Variants in ATP7B observed in about 807,000 individuals in gnomAD.
The protein encoded by ATP7B is ATPase copper transporting beta.
Under a neutral mutation model 118.9 loss-of-function variants are expected in ATP7B, and 113 were observed. The ratio of observed to expected loss-of-function variants is 0.95; its 90% CI spans 0.82 to 1.11. The LOEUF (loss-of-function observed/expected upper bound fraction) is 1.11, where lower values mean the gene tolerates loss of function less well. Ranked by LOEUF, ATP7B falls within the 50% of genes most tolerant of loss-of-function variation. The probability of loss-of-function intolerance (pLI) is 0.00; values close to 1 mark genes in which losing one functional copy is unlikely to be tolerated. For synonymous variants in ATP7B, 777 were observed against 727.4 expected, an observed-to-expected ratio of 1.07 and a Z score of -1.10; for missense variants, 1,867 against 1,871.4, an observed-to-expected ratio of 1.00 and a Z score of 0.04.
intron 4 of ATP7B, among the ~76,000 whole-genome samples, chr13:51,967,947 C>T (rs1309990970): frequency 1.3e-5 from 2 of 152,188 alleles, no homozygotes; most frequent in Non-Finnish European, 2.9e-5. Flanking sequence ...TGGAGCATTC[C>T]CCTCAGACTG....
At chr13:51,985,498 G>A (rs1952613164) in intron 1 of ATP7B, among the ~76,000 whole-genome samples, 1 of 152,112 alleles carries the variant, frequency 6.6e-6, no homozygotes, top group African/African-American at 2.4e-5. Context: ...GTCAATATTA[G>A]ACAGATCAAT....
At position 51,961,684 on chromosome 13, in the gene ATP7B, A is replaced by G. The variant is rs74087020; in HGVS notation, c.1946+153T>C. Among the ~76,000 whole-genome samples, 1,886 of 152,328 alleles carry G rather than the reference A, an allele frequency of 0.012. 47 individuals carry two copies. The highest frequency in any genetic ancestry group is 0.043 in the African/African-American group (1,791 of 41,570). ...CATCATTCCAGAACTTCTTTTGGAC[A>G]GCACTGTTTCAGAGGGTTCACATTA... On this transcript the variant is annotated intron_variant, in intron 6 of 20. Transcript: ENST00000242839.
chr13:51,986,035 C>T (rs933217372), intron 1 of ATP7B, among the ~76,000 whole-genome samples: 3 of 152,106 alleles, frequency 2.0e-5, no homozygotes, highest in African/African-American at 7.2e-5. Context: ...AATTCAAACG[C>T]TAGCAGAAGA....
intron 2 of ATP7B, among the ~76,000 whole-genome samples, chr13:51,973,049 G>C (rs941709723): frequency 9.9e-5 from 15 of 152,130 alleles, no homozygotes; most frequent in African/African-American, 3.4e-4. Flanking sequence ...ATAAAAGCCT[G>C]GTGGCTCCCT....
rs1020597274 is a variant in ATP7B, at chr13:51,958,185, G to T, written c.2355+126C>A. On this transcript the variant is annotated intron_variant, in intron 8 of 20. Coordinates refer to ENST00000242839, the MANE Select transcript of ATP7B (RefSeq NM_000053.4). The stretch of plus-strand genomic sequence containing the variant: ...ACTAGAGCACCTTAATTATATGGAG[G>T]TTTCCTATTTCTTTAAGTCTGTCTC... 1.2e-5 allele frequency: 14 copies of T among 1,131,936 alleles called. No individual in the cohort carries two copies. In the East Asian group the frequency reaches 3.3e-4, roughly 27 times the overall value. 70.1% of individuals were successfully genotyped at this position (1,131,936 alleles called of 1,614,324 possible).
chr13:51,949,736 T>A lies in ATP7B; in HGVS notation c.2791A>T (p.Met931Leu). The A allele has an allele frequency of 1.2e-6, 2 of 1,614,114 alleles. No homozygotes were observed. Among genetic ancestry groups the A allele is most frequent in the Non-Finnish European group, 1.7e-6 (2 of 1,180,016 alleles). ...SGYFVPFIII[M>L]STLTLVVWIV... ...CATACCACCAACGTCAAAGTTGACATGATGATGATAAATGGGACAAAATAT... is the reference window on the plus strand; with the variant it reads ...CATACCACCAACGTCAAAGTTGACAAGATGATGATAAATGGGACAAAATAT... Residue 931 changes from methionine (M) to leucine (L), a missense_variant, in exon 12 of 21, where the codon ATG becomes TTG. Coordinates refer to ENST00000242839, the MANE Select transcript of ATP7B (RefSeq NM_000053.4).
chr13:51,970,616 G>C lies in ATP7B; in HGVS notation c.1419C>G (p.Asp473Glu). 6.2e-7 allele frequency: 1 copy of C among 1,614,192 alleles called. No individual in the cohort carries two copies. The highest frequency in any genetic ancestry group is 8.5e-7 in the Non-Finnish European group (1 of 1,180,036). The stretch of plus-strand genomic sequence containing the variant: ...TTGATTGTGGGGACTTTGCCAAGAT[G>C]TCCGGGGCATGGTTTGCAGGGAGCC... ...TGRLPANHAPDILAKSPQSTR... is the reference protein window; with the variant it reads ...TGRLPANHAPEILAKSPQSTR... The change falls in exon 3 of 21, where the codon GAC (aspartate) becomes GAG (glutamate). Residue 473 changes from aspartate to glutamate, a missense_variant. Coordinates refer to ENST00000242839, the MANE Select transcript of ATP7B (RefSeq NM_000053.4).
At chr13:51,985,383 T>G (rs538809726) in intron 1 of ATP7B, among the ~76,000 whole-genome samples, 1 of 152,286 alleles carries the variant, frequency 6.6e-6, no homozygotes, top group Admixed American at 6.5e-5. Flanking sequence ...TAAATATATA[T>G]GCACCCAATA....
At position 51,937,521 on chromosome 13, in the gene ATP7B, G is replaced by A. The variant is rs558520674; in HGVS notation, c.3858C>T (p.Thr1286=). 1.7e-5 allele frequency: 28 copies of A among 1,614,158 alleles called. No individual in the cohort carries two copies. The highest frequency in any genetic ancestry group is 1.3e-4 in the South Asian group (12 of 91,086). Residue 1286 remains threonine (T), a synonymous_variant, in exon 18 of 21, where the codon ACC becomes ACT. Transcript: ENST00000242839. ...AQADMGVAIG[T]GTDVAIEAAD... ...CTGCCTCGATGGCCACATCCGTGCC[G>A]GTGCCAATGGCCACACCCATGTCTG...
chr13:51,942,456 G>A lies in ATP7B; in HGVS notation c.3342C>T (p.Ala1114=), dbSNP rs748614005. Reference sequence around the variant, plus strand: ...GTGCACTCAAAGGGCGCTCACTGTGGGCCAGGATGCCTTCCACGTTGCTGA... The same window carrying A: ...GTGCACTCAAAGGGCGCTCACTGTGAGCCAGGATGCCTTCCACGTTGCTGA... ...CKVSNVEGIL[A]HSERPLSAPA... is the part of the protein sequence containing the mutation. The change falls in exon 15 of 21, where the codon GCC becomes GCT. Residue 1114 remains alanine (A), a synonymous_variant. Transcript: ENST00000242839. 1.5e-5 allele frequency: 24 copies of A among 1,614,202 alleles called. No individual in the cohort carries two copies. In the South Asian group the frequency reaches 2.1e-4, roughly 14 times the overall value.
chr13:52,000,076 A>AG (rs1953416562), intron 1 of ATP7B, among the ~76,000 whole-genome samples: 1 of 152,118 alleles, frequency 6.6e-6, no homozygotes, highest in Non-Finnish European at 1.5e-5. Flanking sequence ...AGTGGCCCCC[A>AG]GCTCAGCCCT....
intron 1 of ATP7B, among the ~76,000 whole-genome samples, chr13:52,009,437 C>G (rs554229227): frequency 4.1e-4 from 62 of 152,298 alleles, no homozygotes; most frequent in African/African-American, 1.5e-3. Context: ...CCTTTGCTAG[C>G]CAGGTCTCCT....
intron 5 of ATP7B, among the ~76,000 whole-genome samples, chr13:51,963,177 G>A (rs1041629602): frequency 1.3e-5 from 2 of 152,080 alleles, no homozygotes; most frequent in Non-Finnish European, 2.9e-5. Flanking sequence ...GCTGTTGACT[G>A]CATCAGTCTG....
chr13:51,997,683 G>T (rs1953278046), intron 1 of ATP7B, among the ~76,000 whole-genome samples: 1 of 152,314 alleles, frequency 6.6e-6, no homozygotes, highest in African/African-American at 2.4e-5. Context: ...GCAGAAACAA[G>T]AATGAAGACC....
At chr13:51,958,877 A>C in intron 7 of ATP7B, 3 of 382,896 alleles carry the variant, frequency 7.8e-6, no homozygotes, top group Admixed American at 3.9e-5. Context: ...CCTAAAGAGA[A>C]TGGGCTCTAT....
At chr13:51,953,700 A>T (rs1259857697) in intron 9 of ATP7B, among the ~76,000 whole-genome samples, 1 of 152,166 alleles carries the variant, frequency 6.6e-6, no homozygotes, top group Non-Finnish European at 1.5e-5. Context: ...TTCATCTTTA[A>T]GAGTTTCTGC....
At position 51,958,379 on chromosome 13, in the gene ATP7B, A is replaced by AT; in HGVS notation, c.2286dup (p.Phe763IlefsTer32). ...AAGAGCATGGGGGGCGTGTCGAAGA[A>AT]TGTCACAGGGCTCCTCTCCGCCTTC... On this transcript the variant is annotated frameshift_variant, in exon 8 of 21. Coordinates refer to ENST00000242839, the MANE Select transcript of ATP7B (RefSeq NM_000053.4). LOFTEE classifies it high-confidence loss of function. 3.1e-6 allele frequency: 5 copies of AT among 1,614,200 alleles called. No homozygotes were observed. The highest frequency in any genetic ancestry group is 4.2e-6 in the Non-Finnish European group (5 of 1,180,034).
chr13:51,988,911 G>C (rs565317271), intron 1 of ATP7B, among the ~76,000 whole-genome samples: 31 of 150,378 alleles, frequency 2.1e-4, no homozygotes, highest in Non-Finnish European at 3.4e-4. Context: ...TGTCGGGGGT[G>C]GGGGGGCTAG....
Position 51,939,082 on chromosome 13 carries a change from T to G in ATP7B, c.3668A>C (p.Asn1223Thr), listed in dbSNP as rs770812381. 6.2e-7 allele frequency: 1 copy of G among 1,614,244 alleles called. No individual in the cohort carries two copies. Among genetic ancestry groups the G allele is most frequent in the Non-Finnish European group, 8.5e-7 (1 of 1,180,036 alleles). ...GVDVVLITGD[N>T]RKTARAIATQ... ...GGCAATAGCTCTGGCTGTCTTCCGG[T>G]TGTCCCCCGTGATCAGAACCACGTC... is the stretch of plus-strand genomic sequence containing the variant. Residue 1223 changes from asparagine (N) to threonine (T), a missense_variant, in exon 17 of 21, where the codon AAC (asparagine) becomes ACC (threonine). Asn to Thr is a moderately conservative substitution (Grantham distance 65, BLOSUM62 0). Coordinates refer to ENST00000242839, the MANE Select transcript of ATP7B (RefSeq NM_000053.4).
Sources: gnomAD v4.1 joint callset for allele counts (sites outside exome capture counted in the v4.1 genomes callset) on GRCh38, gnomAD v4.1.1 for gene constraint, MANE v1.5 for transcripts, NCBI Gene and HGNC (gene_info 2026-07-23, HGNC 2026-07-21) for gene names.